The following TLCD4 variants were observed in gnomAD, a reference collection of about 807,000 sequenced individuals.
TLCD4 encodes the protein TLC domain containing 4.
TLCD4 carries 7 observed loss-of-function variants against 24.2 expected under a neutral mutation model. The ratio of observed to expected loss-of-function variants is 0.29; its 90% confidence interval spans 0.16 to 0.54. The LOEUF is 0.54. TLCD4 is among the 20% of genes least tolerant of loss of function. TLCD4 has a pLI of 0.95. For missense variants in TLCD4, 259 were observed against 313.9 expected, an observed-to-expected ratio of 0.82 and a Z score of 1.32; for synonymous variants, 103 against 106.4, an observed-to-expected ratio of 0.97 and a Z score of 0.20.
In TLCD4 at chr1:95,191,798, G is replaced by T; in HGVS notation, c.722G>T (p.Cys241Phe). 6.2e-7 allele frequency: 1 copy of T among 1,614,146 alleles called. No homozygotes were observed. Among genetic ancestry groups the T allele is most frequent in the Non-Finnish European group, 8.5e-7 (1 of 1,180,016 alleles). The change falls in exon 7 of 7, where the codon TGC becomes TTC. Residue 241 changes from cysteine (C) to phenylalanine (F), a missense_variant. By Grantham distance (205) the Cys-to-Phe change is radical. Coordinates refer to ENST00000370203, the MANE Select transcript of TLCD4 (RefSeq NM_152487.3). ...VMWMIKISKG[C>F]IKVISHIRQE... The stretch of plus-strand genomic sequence containing the variant: ...TGGATGATCAAAATTTCAAAAGGTT[G>T]CATCAAAGTCATCTCTCACATCAGA...
intron 6 of TLCD4, among the ~76,000 whole-genome samples, chr1:95,180,270 A>C (rs1678587164): frequency 6.6e-6 from 1 of 152,352 alleles, no homozygotes. Context: ...AAACTCTTTT[A>C]GAGAAATTAT....
Position 95,143,947 on chromosome 1 carries a change from T to A in TLCD4, c.46T>A (p.Phe16Ile). 6.4e-7 allele frequency: 1 copy of A among 1,565,142 alleles called. No individual in the cohort carries two copies. The highest frequency in any genetic ancestry group is 1.7e-4 in the Middle Eastern group (1 of 5,866). ...KLLISVTCIS[F>I]FTFQLLFYFV... is the part of the protein sequence containing the mutation. Reference sequence around the variant, plus strand: ...GCTCATCAGTGTTACCTGTATCAGCTTTTTCACCTTTCAGCTTCTTTTCTA... The same window carrying A: ...GCTCATCAGTGTTACCTGTATCAGCATTTTCACCTTTCAGCTTCTTTTCTA... The change falls in exon 2 of 7, where the codon TTT becomes ATT. Residue 16 changes from phenylalanine to isoleucine, a missense_variant. By Grantham distance (21) the Phe-to-Ile change is conservative. Coordinates refer to ENST00000370203, the MANE Select transcript of TLCD4 (RefSeq NM_152487.3).
At chr1:95,178,473 G>T (rs890263012) in intron 6 of TLCD4, among the ~76,000 whole-genome samples, 2 of 151,784 alleles carry the variant, frequency 1.3e-5, no homozygotes, top group African/African-American at 2.4e-5. Context: ...ACGTTGGCCA[G>T]GCTGGTCTCG....
At position 95,191,840 on chromosome 1, in the gene TLCD4, A is replaced by G. The variant is rs186994378; in HGVS notation, c.764A>G (p.Asn255Ser). 1.2e-6 allele frequency: 2 copies of G among 1,613,982 alleles called. No individual in the cohort carries two copies. The highest frequency in any genetic ancestry group is 4.5e-5 in the East Asian group (2 of 44,864). ...CACATCAGACAAGAGAAAGCCAAAA[A>G]TAGTCTTCAGAATGGAAAACTTGAT... ...ISHIRQEKAKNSLQNGKLD is the reference protein window; with the variant it reads ...ISHIRQEKAKSSLQNGKLD The change falls in exon 7 of 7, where the codon AAT becomes AGT. Residue 255 changes from asparagine to serine, a missense_variant. By Grantham distance (46) the Asn-to-Ser change is conservative. Coordinates refer to ENST00000370203, the MANE Select transcript of TLCD4 (RefSeq NM_152487.3).
At chr1:95,135,074 A>C (rs996569696) in intron 1 of TLCD4, among the ~76,000 whole-genome samples, 2 of 152,192 alleles carry the variant, frequency 1.3e-5, no homozygotes, top group African/African-American at 4.8e-5. Context: ...ATGATGGTGT[A>C]TATACTTAAC....
In TLCD4 at chr1:95,152,890, C is replaced by T. The variant is rs146040099; in HGVS notation, c.399+1471C>T. Among the ~76,000 whole-genome samples the T allele has an allele frequency of 3.9e-3, 597 of 152,194 alleles. 3 individuals carry two copies. Among genetic ancestry groups the T allele is most frequent in the African/African-American group, 0.01 (429 of 41,538 alleles). On this transcript the variant is annotated intron_variant, in intron 5 of 6. Transcript: ENST00000370203. ...TAAGGACAAACTACCATCCTTTGTACACCCTTTCTGACTACATTGATAGCC... is the reference window on the plus strand; with the variant it reads ...TAAGGACAAACTACCATCCTTTGTATACCCTTTCTGACTACATTGATAGCC...
chr1:95,103,320 T>C, the TLCD4 span, among the ~76,000 whole-genome samples: 1 of 152,288 alleles, frequency 6.6e-6, no homozygotes, highest in East Asian at 1.9e-4. Context: ...CCATTGGATT[T>C]AATCAACAGA....
At chr1:95,183,479 C>T (rs898857332) in intron 6 of TLCD4, among the ~76,000 whole-genome samples, 1 of 152,020 alleles carries the variant, frequency 6.6e-6, no homozygotes, top group African/African-American at 2.4e-5. Context: ...TTGGGATGAT[C>T]AGAATAAGGT....
chr1:95,099,310 GAAC>G, the TLCD4 span, among the ~76,000 whole-genome samples: 1 of 151,962 alleles, frequency 6.6e-6, no homozygotes, highest in African/African-American at 2.4e-5. Context: ...AACTAAATAA[GAAC>G]AACATGATCT....
the TLCD4 span, among the ~76,000 whole-genome samples, chr1:95,103,766 C>A: frequency 1.3e-5 from 2 of 152,174 alleles, no homozygotes; most frequent in African/African-American, 4.8e-5. Flanking sequence ...CCAAGAATGT[C>A]TTGTACGACT....
chr1:95,135,793 T>C lies in TLCD4; in HGVS notation c.-11-8098T>C, dbSNP rs377575931. On this transcript the variant is annotated intron_variant, in intron 1 of 6. Transcript: ENST00000370203. ...TTCTGTCACCCAGGCTGGAATGCAG[T>C]AATGTGATCTCCGCCTCCTGGGCTC... is the stretch of plus-strand genomic sequence containing the variant. Among the ~76,000 whole-genome samples the C allele has an allele frequency of 9.2e-5, 14 of 152,244 alleles. No individual in the cohort carries two copies. The East Asian group carries it at 2.7e-3, about 29-fold the overall frequency.
intron 5 of TLCD4, chr1:95,163,452 T>C (rs1490436064): frequency 6.6e-6 from 1 of 152,210 alleles, no homozygotes; most frequent in Non-Finnish European, 1.5e-5. Flanking sequence ...AACATCCTCC[T>C]TTAGCTCGGA....
intron 5 of TLCD4, among the ~76,000 whole-genome samples, chr1:95,166,943 C>A (rs2100977860): frequency 6.6e-6 from 1 of 152,038 alleles, no homozygotes; most frequent in East Asian, 1.9e-4. Context: ...CTATGTTGAC[C>A]AGGCTGGCCC....
the TLCD4 span, among the ~76,000 whole-genome samples, chr1:95,096,149 C>T: frequency 6.6e-6 from 1 of 152,214 alleles, no homozygotes. Context: ...TGAGGTTATT[C>T]TCTACCAATT....
chr1:95,100,251 T>G, the TLCD4 span, among the ~76,000 whole-genome samples: 1 of 151,524 alleles, frequency 6.6e-6, no homozygotes, highest in African/African-American at 2.4e-5. Flanking sequence ...TATGAAAAGG[T>G]GTACAAAAAA....
In TLCD4 at chr1:95,196,358, T is replaced by C. The variant is rs1679206476; in HGVS notation, c.*4490T>C. On this transcript the variant is annotated 3_prime_UTR_variant, in exon 7 of 7. Coordinates refer to ENST00000370203, the MANE Select transcript of TLCD4 (RefSeq NM_152487.3). Reference sequence around the variant, plus strand: ...TGCCAAAATTATTTTAGAGTCCTGCTCTTTAGGGAAAACTTTGCTATGGTA... The same window carrying C: ...TGCCAAAATTATTTTAGAGTCCTGCCCTTTAGGGAAAACTTTGCTATGGTA... 1 of 152,202 alleles carries C rather than the reference T, an allele frequency of 6.6e-6. No homozygotes were observed. Among genetic ancestry groups the C allele is most frequent in the South Asian group, 2.1e-4 (1 of 4,836 alleles). 9.4% of individuals were successfully genotyped at this position (152,202 alleles called of 1,614,324 possible). A position where few individuals can be genotyped will look rare whatever the true frequency, so the allele number is the denominator to read the frequency against.
chr1:95,177,330 A>G (rs879581829), intron 6 of TLCD4, among the ~76,000 whole-genome samples: 3 of 152,148 alleles, frequency 2.0e-5, no homozygotes, highest in Non-Finnish European at 4.4e-5. Context: ...GAAGGCTTCT[A>G]TGATTATATG....
At chr1:95,103,703 G>A in the TLCD4 span, among the ~76,000 whole-genome samples, 6 of 152,312 alleles carry the variant, frequency 3.9e-5, no homozygotes, top group East Asian at 1.9e-4. Flanking sequence ...AATTTGACAA[G>A]TGTTGAAATT....
At chr1:95,186,422 G>A (rs1179868499) in intron 6 of TLCD4, among the ~76,000 whole-genome samples, 1 of 152,206 alleles carries the variant, frequency 6.6e-6, no homozygotes, top group Non-Finnish European at 1.5e-5. Context: ...GGAGGGTGCT[G>A]ATGTGTGTTC....
Sources: allele counts gnomAD v4.1 joint callset (sites outside exome capture counted in the v4.1 genomes callset), GRCh38; gene constraint gnomAD v4.1.1; transcripts MANE v1.5; gene names NCBI Gene and HGNC (gene_info 2026-07-23, HGNC 2026-07-21).